Variants in MORN1 observed in about 807,000 individuals in gnomAD.
The protein encoded by MORN1 is MORN repeat containing 1, also known as MORN repeat-containing protein 1.
Under a neutral mutation model 61.9 loss-of-function variants are expected in MORN1, and 67 were observed. The ratio of observed to expected loss-of-function variants is 1.08; its 90% confidence interval spans 0.89 to 1.33. MORN1 has a LOEUF of 1.33. MORN1 is among the 40% of genes most tolerant of loss of function. The pLI, the probability that MORN1 is intolerant of heterozygous loss-of-function variation, is 0.00. For synonymous variants in MORN1, 301 were observed against 292.0 expected (o/e 1.03, Z -0.31); for missense variants, 752 against 691.2 (o/e 1.09, Z -0.99).
chr1:2,379,846 A>T (rs947313880), intron 6 of MORN1, among the ~76,000 whole-genome samples: 1 of 152,202 alleles, frequency 6.6e-6, no homozygotes, highest in Non-Finnish European at 1.5e-5. Context: ...TTCCTCAAAA[A>T]TTAAAAACAG....
At chr1:2,325,235 C>T (rs548660098) in intron 12 of MORN1, among the ~76,000 whole-genome samples, 6 of 94,420 alleles carry the variant, frequency 6.4e-5, no homozygotes, top group African/African-American at 2.2e-4. Flanking sequence ...TCTCTTGTTC[C>T]TTCTTCCTCT....
At chr1:2,382,576 C>A (rs558959693) in intron 6 of MORN1, among the ~76,000 whole-genome samples, 7 of 152,106 alleles carry the variant, frequency 4.6e-5, no homozygotes, top group African/African-American at 1.2e-4. Context: ...TGGGAAGGGG[C>A]GGGCAGAAGA....
chr1:2,343,922 G>A (rs540229560), intron 10 of MORN1, among the ~76,000 whole-genome samples: 94 of 151,056 alleles, frequency 6.2e-4, no homozygotes, highest in African/African-American at 2.2e-3. Flanking sequence ...CGGGATTCCC[G>A]TAGGCCTCCC....
At chr1:2,367,662 G>A (rs952656128) in intron 8 of MORN1, among the ~76,000 whole-genome samples, 1 of 151,504 alleles carries the variant, frequency 6.6e-6, no homozygotes, top group African/African-American at 2.4e-5. Context: ...TTTTTGAGAT[G>A]GAGTCTTGCT....
intron 10 of MORN1, among the ~76,000 whole-genome samples, chr1:2,342,418 A>G (rs1029066807): frequency 1.3e-5 from 2 of 152,268 alleles, no homozygotes; most frequent in African/African-American, 4.8e-5. Flanking sequence ...GATTAAAAAC[A>G]TAAAACGTTA....
At chr1:2,382,328 G>C (rs1642390918) in intron 6 of MORN1, among the ~76,000 whole-genome samples, 1 of 152,174 alleles carries the variant, frequency 6.6e-6, no homozygotes, top group South Asian at 2.1e-4. Flanking sequence ...GCCCTGGTGA[G>C]GGAGCCTGCC....
intron 13 of MORN1, chr1:2,323,764 A>C: frequency 1.0e-6 from 1 of 985,106 alleles, no homozygotes; most frequent in South Asian, 4.7e-5. Flanking sequence ...GGGCCTTGAC[A>C]GCTCCCCTCG....
chr1:2,343,348 A>G lies in MORN1; in HGVS notation c.1037-6498T>C, dbSNP rs375253251. ...CCACAAAGCTGTCTGTGTAGCTGCC[A>G]GAGCCGCTGGGCCCTGTGACAGAGC... is the stretch of plus-strand genomic sequence containing the variant. On this transcript the variant is annotated intron_variant, in intron 10 of 13. Coordinates refer to ENST00000378531, the MANE Select transcript of MORN1 (RefSeq NM_024848.3). Among the ~76,000 whole-genome samples the G allele has an allele frequency of 1.8e-4, 28 of 152,314 alleles. No homozygotes were observed. In the South Asian group the frequency reaches 4.3e-3, roughly 24 times the overall value.
intron 10 of MORN1, among the ~76,000 whole-genome samples, chr1:2,346,182 C>A (rs1641512531): frequency 6.6e-6 from 1 of 152,006 alleles, no homozygotes; most frequent in Admixed American, 6.6e-5. Context: ...CACCAGGGAA[C>A]CTTCCTCAGA....
chr1:2,351,922 G>A (rs1009188959), intron 10 of MORN1: 2 of 516,798 alleles, frequency 3.9e-6, no homozygotes, highest in South Asian at 3.3e-5. Flanking sequence ...CCTGGTATGA[G>A]GCCACCCACG....
At chr1:2,356,149 C>A (rs141051661) in intron 10 of MORN1, among the ~76,000 whole-genome samples, 9 of 152,248 alleles carry the variant, frequency 5.9e-5, no homozygotes, top group South Asian at 2.1e-4. Context: ...GGGGAGGCGG[C>A]GCGACGGCCG....
chr1:2,376,362 C>G (rs902076925), intron 6 of MORN1: 1 of 152,336 alleles, frequency 6.6e-6, no homozygotes, highest in Admixed American at 6.5e-5. Flanking sequence ...GCGTCCGGGG[C>G]CCCCGTCACC....
At position 2,324,027 on chromosome 1, in the gene MORN1, C is replaced by A; in HGVS notation, c.1297+70G>T. 2.6e-6 allele frequency: 4 copies of A among 1,523,288 alleles called. No individual in the cohort carries two copies. In the South Asian group the frequency reaches 4.9e-5, roughly 19 times the overall value. 94.4% of individuals were successfully genotyped at this position (1,523,288 alleles called of 1,614,324 possible). ...CGAGTTCCCCCAACCCCACCTCCAG[C>A]CCTGGGCTGCGGCCTCGCCTCTCCA... On this transcript the variant is annotated intron_variant, in intron 13 of 13. Transcript: ENST00000378531.
At chr1:2,370,977 G>A (rs1047074133) in intron 8 of MORN1, among the ~76,000 whole-genome samples, 29 of 152,052 alleles carry the variant, frequency 1.9e-4, no homozygotes, top group Admixed American at 1.3e-3. Flanking sequence ...AGGCCAAGGC[G>A]GGTGGATCAC....
At position 2,372,967 on chromosome 1, in the gene MORN1, A is replaced by G. The variant is rs537367244; in HGVS notation, c.635-376T>C. ...TTAGGCCCTGCATTCCCTGCATCTG[A>G]GTCAGCACCCTGAGGTGCTGGACCT... On this transcript the variant is annotated intron_variant, in intron 7 of 13. Coordinates refer to ENST00000378531, the MANE Select transcript of MORN1 (RefSeq NM_024848.3). The surrounding 1 kb of genome is among the most constrained non-coding windows in gnomAD (Gnocchi z 5.4). Among the ~76,000 whole-genome samples, 32 of 152,204 alleles carry G rather than the reference A, an allele frequency of 2.1e-4. No homozygotes were observed. The highest frequency in any genetic ancestry group is 3.8e-4 in the Non-Finnish European group (26 of 68,024).
intron 10 of MORN1, among the ~76,000 whole-genome samples, chr1:2,348,596 C>T (rs949147428): frequency 3.9e-5 from 6 of 152,282 alleles, no homozygotes; most frequent in South Asian, 2.1e-4. Flanking sequence ...CACACGCATG[C>T]GCACATACGT....
In MORN1 at chr1:2,336,556, G is replaced by A. The variant is rs1320391453; in HGVS notation, c.1171-8C>T. Reference sequence around the variant, plus strand: ...GGATCTGCCGCCTGCCTTCTAGAAAGATTGGGCAGGAGGAGGGGAGAAGGA... The same window carrying A: ...GGATCTGCCGCCTGCCTTCTAGAAAAATTGGGCAGGAGGAGGGGAGAAGGA... On this transcript the variant is annotated splice_region_variant and splice_polypyrimidine_tract_variant and intron_variant, in intron 11 of 13. Transcript: ENST00000378531. 9 of 1,612,436 alleles carry A rather than the reference G, an allele frequency of 5.6e-6. No individual in the cohort carries two copies. Among genetic ancestry groups the A allele is most frequent in the African/African-American group, 1.3e-5 (1 of 74,920 alleles).
intron 10 of MORN1, chr1:2,355,503 C>A (rs904647451): frequency 1.3e-6 from 2 of 1,548,874 alleles, no homozygotes; most frequent in Non-Finnish European, 1.7e-6. Context: ...GGCTCTGGGG[C>A]TTCTAGCCAC....
At chr1:2,374,402 G>C in intron 7 of MORN1, 59 bp downstream of exon 7, 1 of 1,462,320 alleles carries the variant, frequency 6.8e-7, no homozygotes, top group Non-Finnish European at 9.4e-7. Flanking sequence ...CTGCCCGGGG[G>C]CCAGGGACAC....
Sources: gnomAD v4.1 joint callset for allele counts (sites outside exome capture counted in the v4.1 genomes callset) on GRCh38, gnomAD v4.1.1 for gene constraint, Gnocchi (gnomAD v3.1) non-coding constraint, MANE v1.5 for transcripts, NCBI Gene and HGNC (gene_info 2026-07-23, HGNC 2026-07-21) for gene names.